MAPK8IP3: variants seen among roughly 807,000 people sequenced by gnomAD.
The protein encoded by MAPK8IP3 is mitogen-activated protein kinase 8 interacting protein 3.
In MAPK8IP3, 49 loss-of-function variants were observed where a neutral mutation model predicts 157.8. The ratio of observed to expected loss-of-function variants is 0.31; its 90% CI spans 0.25 to 0.39. The LOEUF is 0.39. Among genes scored for constraint, MAPK8IP3 ranks in the 10% least tolerant of loss-of-function variants. The pLI is 1.00. For synonymous variants in MAPK8IP3, 897 were observed against 777.7 expected, an observed-to-expected ratio of 1.15 and a Z score of -2.55; for missense variants, 1,478 against 1,889.4, an observed-to-expected ratio of 0.78 and a Z score of 4.04.
chr16:1,763,056 C>G, intron 16 of MAPK8IP3, 50 bp downstream of exon 16: 1 of 1,603,036 alleles, frequency 6.2e-7, no homozygotes, highest in Non-Finnish European at 8.5e-7. Context: ...GTTGGGGAGG[C>G]CCTGTCCTGA....
chr16:1,727,456 GT>G (rs2038962192), intron 2 of MAPK8IP3, among the ~76,000 whole-genome samples: 11 of 141,226 alleles, frequency 7.8e-5, no homozygotes, highest in Admixed American at 7.1e-4. Context: ...TAAGTCTTGT[GT>G]TGTGTGCGGT....
intron 4 of MAPK8IP3, among the ~76,000 whole-genome samples, chr16:1,738,109 A>G (rs1567169022): frequency 1.3e-5 from 1 of 79,758 alleles, no homozygotes; most frequent in Non-Finnish European, 2.2e-5. Context: ...CATCCATGTG[A>G]CCGTCCGTGT....
Position 1,767,683 on chromosome 16 carries a change from G to C in MAPK8IP3, c.3357G>C (p.Thr1119=). The C allele has an allele frequency of 6.2e-7, 1 of 1,612,774 alleles. No individual in the cohort carries two copies. The highest frequency in any genetic ancestry group is 1.1e-5 in the South Asian group (1 of 91,078). The change falls in exon 27 of 32, where the codon ACG becomes ACC. Residue 1119 remains threonine, a synonymous_variant. Coordinates refer to ENST00000610761, the MANE Select transcript of MAPK8IP3 (RefSeq NM_001318852.2). ...DSTLRLYHAH[T]HQHLQDVDIE... The stretch of plus-strand genomic sequence containing the variant: ...CCCTGAGGCTCTACCATGCACACAC[G>C]CACCAGCATCTACAGGACGTGGACA...
At chr16:1,716,815 T>C (rs553170513) in intron 1 of MAPK8IP3, among the ~76,000 whole-genome samples, 211 of 152,008 alleles carry the variant, frequency 1.4e-3, no homozygotes, top group Non-Finnish European at 2.7e-3. Context: ...TCCCAACACT[T>C]TGGGAGGCTG....
intron 4 of MAPK8IP3, among the ~76,000 whole-genome samples, chr16:1,736,799 T>C (rs2039920084): frequency 1.8e-5 from 1 of 55,308 alleles, no homozygotes. Context: ...TGACCGTCCG[T>C]GTGAGCGTGT....
intron 4 of MAPK8IP3, among the ~76,000 whole-genome samples, chr16:1,738,789 G>A (rs1278208845): frequency 6.0e-5 from 8 of 132,968 alleles, no homozygotes; most frequent in East Asian, 2.4e-4. Context: ...GTGAGCGTCC[G>A]TGTGAGTGTG....
chr16:1,740,208 G>A (rs1449263400), intron 4 of MAPK8IP3, among the ~76,000 whole-genome samples: 9 of 142,410 alleles, frequency 6.3e-5, no homozygotes. Flanking sequence ...GACCGTCCGT[G>A]TGAGCTTCCG....
At chr16:1,752,231 T>C (rs10459881) in intron 8 of MAPK8IP3, 30,883 of 165,268 alleles carry the variant, frequency 0.19, 3,233 homozygotes, top group East Asian at 0.38. Context: ...GCAGTCCTTT[T>C]CTCATACCAC....
At chr16:1,711,944 A>G (rs2037802033) in intron 1 of MAPK8IP3, among the ~76,000 whole-genome samples, 2 of 147,668 alleles carry the variant, frequency 1.4e-5, no homozygotes, top group African/African-American at 4.9e-5. Flanking sequence ...CTCCGTCTCA[A>G]AAAAAAAAAA....
At chr16:1,715,404 A>G (rs2038081638) in intron 1 of MAPK8IP3, among the ~76,000 whole-genome samples, 1 of 152,138 alleles carries the variant, frequency 6.6e-6, no homozygotes, top group African/African-American at 2.4e-5. Flanking sequence ...GGGAAATGGA[A>G]AGAGCTCTGA....
At chr16:1,738,321 C>T in intron 4 of MAPK8IP3, among the ~76,000 whole-genome samples, 1 of 76,016 alleles carries the variant, frequency 1.3e-5, no homozygotes, top group Non-Finnish European at 2.4e-5. Flanking sequence ...TCCGTGTGAG[C>T]ATCCGTGAGC....
chr16:1,768,881 G>T lies in MAPK8IP3; in HGVS notation c.*57G>T. On this transcript the variant is annotated 3_prime_UTR_variant, in exon 32 of 32. Transcript: ENST00000610761. ...TAGGACCCCCGACCACCTGACCCCC[G>T]CCCGGCCCGCGGGGTAGCCAGCCAG... 4 of 1,588,044 alleles carry T rather than the reference G, an allele frequency of 2.5e-6. No individual in the cohort carries two copies. The highest frequency in any genetic ancestry group is 3.4e-6 in the Non-Finnish European group (4 of 1,167,922).
chr16:1,763,213 G>A (rs965001676), intron 16 of MAPK8IP3, among the ~76,000 whole-genome samples: 6 of 152,220 alleles, frequency 3.9e-5, no homozygotes, highest in African/African-American at 1.4e-4. Flanking sequence ...ACGGTATTTG[G>A]TTCAGGATGT....
chr16:1,736,356 G>A (rs1162378408), intron 4 of MAPK8IP3, among the ~76,000 whole-genome samples: 2 of 80,322 alleles, frequency 2.5e-5, no homozygotes, highest in African/African-American at 5.0e-5. Flanking sequence ...GTGACCGTCC[G>A]TGTGTGACCG....
chr16:1,729,658 G>T, intron 4 of MAPK8IP3, 80 bp downstream of exon 4: 1 of 1,326,596 alleles, frequency 7.5e-7, no homozygotes, highest in South Asian at 1.3e-5. Context: ...TGCCAGGGTC[G>T]TAGTGCTTGT....
At chr16:1,715,798 T>C (rs989921811) in intron 1 of MAPK8IP3, among the ~76,000 whole-genome samples, 1 of 151,838 alleles carries the variant, frequency 6.6e-6, no homozygotes, top group Non-Finnish European at 1.5e-5. Context: ...GCGTGATCTC[T>C]ACTCACTGCA....
intron 19 of MAPK8IP3, 146 bp from the exon 20 acceptor site, chr16:1,764,867 G>A (rs918312686): frequency 1.4e-5 from 11 of 764,250 alleles, no homozygotes; most frequent in African/African-American, 1.4e-4. Flanking sequence ...AGTCCGCATT[G>A]TTCTGGTCCT....
At chr16:1,757,894 C>T (rs575877408) in intron 8 of MAPK8IP3, among the ~76,000 whole-genome samples, 1 of 152,322 alleles carries the variant, frequency 6.6e-6, no homozygotes, top group Admixed American at 6.5e-5. Flanking sequence ...CAGCAGGCTT[C>T]CGGGTCAGGG....
intron 1 of MAPK8IP3, among the ~76,000 whole-genome samples, chr16:1,716,055 C>T (rs1338566825): frequency 1.3e-5 from 2 of 152,112 alleles, no homozygotes; most frequent in Admixed American, 1.3e-4. Context: ...TTACTTTACT[C>T]AGCAGGAAAG....
Sources: gnomAD v4.1 joint callset for allele counts (sites outside exome capture counted in the v4.1 genomes callset) on GRCh38, gnomAD v4.1.1 for gene constraint, MANE v1.5 for transcripts, NCBI Gene and HGNC (gene_info 2026-07-23, HGNC 2026-07-21) for gene names.